ZNF208: variants seen among roughly 807,000 people sequenced by gnomAD.
ZNF208 encodes the protein zinc finger protein 95.
In ZNF208, 10 loss-of-function variants were observed where a neutral mutation model predicts 12.1. That is an observed-to-expected ratio of 0.83 (90% CI 0.51 to 1.40). The LOEUF (loss-of-function observed/expected upper bound fraction) is 1.40. Among genes scored for constraint, ZNF208 ranks in the 40% most tolerant of loss-of-function variants. The pLI, the probability that ZNF208 is intolerant of heterozygous loss-of-function variation, is 0.00. For synonymous variants in ZNF208, 497 were observed against 488.4 expected (o/e 1.02, Z -0.23); for missense variants, 1,652 against 1,485.0 (o/e 1.11, Z -1.85).
At chr19:21,990,545 C>T (rs2145569973) in intron 1 of ZNF208, among the ~76,000 whole-genome samples, 1 of 152,036 alleles carries the variant, frequency 6.6e-6, no homozygotes, top group Admixed American at 6.6e-5. Context: ...CAGCTTTGTT[C>T]TTTTGGCTTA....
chr19:21,953,331 C>T lies in ZNF208; in HGVS notation c.306-20094G>A, dbSNP rs149187820. Among the ~76,000 whole-genome samples the T allele has an allele frequency of 1.1e-4, 17 of 152,250 alleles. No individual in the cohort carries two copies. In the East Asian group the frequency reaches 2.7e-3, roughly 24 times the overall value. ...TACAGAGAATCCCACAAAGATATTC[C>T]TCGAGAAGAGCAACTCCAAGACACA... is the stretch of plus-strand genomic sequence containing the variant. On this transcript the variant is annotated intron_variant, in intron 4 of 4. Coordinates refer to the ZNF208 transcript ENST00000599916.
At chr19:21,986,465 G>C (rs1193826683) in intron 3 of ZNF208, among the ~76,000 whole-genome samples, 2 of 151,998 alleles carry the variant, frequency 1.3e-5, no homozygotes, top group East Asian at 1.9e-4. Context: ...AGTTGAAAAA[G>C]TTTTCAAGTG....
In ZNF208 at chr19:21,968,515, A is replaced by T. The variant is rs1310298609; in HGVS notation, c.*2676T>A. ...CTTATTGACTTCCATATCATGAAACACCTTCATATATATGGAAAAGCTCAC... is the reference window on the plus strand; with the variant it reads ...CTTATTGACTTCCATATCATGAAACTCCTTCATATATATGGAAAAGCTCAC... On this transcript the variant is annotated 3_prime_UTR_variant, in exon 4 of 4. Transcript: ENST00000397126. 1 of 151,994 alleles carries T rather than the reference A, an allele frequency of 6.6e-6. No homozygotes were observed. The highest frequency in any genetic ancestry group is 1.5e-5 in the Non-Finnish European group (1 of 67,998). The allele number at this position is 151,994 out of a possible 1,614,324, so 9.4% of individuals were successfully genotyped here.
Position 21,977,508 on chromosome 19 carries a change from T to C in ZNF208, c.227-2701A>G, listed in dbSNP as rs141379944. 1.1e-4 allele frequency among the ~76,000 whole-genome samples: 17 copies of C among 152,030 alleles called. No homozygotes were observed. The East Asian group carries it at 3.3e-3, about 30-fold the overall frequency. ...CTCCCTCTCCTAGCCAAGGTAAGGGTTTAGGGACTGTACCATGAAGAACCG... is the reference window on the plus strand; with the variant it reads ...CTCCCTCTCCTAGCCAAGGTAAGGGCTTAGGGACTGTACCATGAAGAACCG... On this transcript the variant is annotated intron_variant, in intron 3 of 3. Transcript: ENST00000397126.
chr19:21,950,623 A>G (rs139004301), intron 4 of ZNF208, among the ~76,000 whole-genome samples: 3,016 of 151,804 alleles, frequency 0.02, 38 homozygotes, highest in Middle Eastern at 0.048. Context: ...CCTCCCAAGT[A>G]GCTGGGATTA....
Position 21,971,909 on chromosome 19 carries a change from G to C in ZNF208, c.3125C>G (p.Ser1042Ter), listed in dbSNP as rs1970295002. Residue 1042 changes from serine (S) to a stop codon, truncating the protein, a stop_gained, in exon 4 of 4, where the codon TCA becomes TGA. Transcript: ENST00000397126. LOFTEE classifies it low-confidence loss of function (END_TRUNC). ...AGTTGCCTTATGTTCAGTAAGGCTT[G>C]AGGGCCAGCTGAAGGCTTTGTCACA... The part of the protein sequence containing the change: ...EECDKAFSWP[S>*]SLTEHKATHA... 5 of 1,530,578 alleles carry C rather than the reference G, an allele frequency of 3.3e-6. No homozygotes were observed. The highest frequency in any genetic ancestry group is 4.5e-6 in the Non-Finnish European group (5 of 1,122,486). 94.8% of individuals were successfully genotyped at this position (1,530,578 alleles called of 1,614,324 possible).
intron 1 of ZNF208, among the ~76,000 whole-genome samples, chr19:21,993,992 T>C (rs1466257065): frequency 6.6e-6 from 1 of 152,224 alleles, no homozygotes. Context: ...AATAACACCC[T>C]TTCAGTTGAT....
chr19:21,984,467 C>T (rs549405732), intron 3 of ZNF208, among the ~76,000 whole-genome samples: 7 of 152,136 alleles, frequency 4.6e-5, no homozygotes, highest in Admixed American at 3.3e-4. Flanking sequence ...GCAGGGGAAT[C>T]GCTTGAACCC....
intron 1 of ZNF208, among the ~76,000 whole-genome samples, chr19:22,010,573 G>T (rs532892452): frequency 4.6e-4 from 70 of 152,220 alleles, no homozygotes; most frequent in Non-Finnish European, 8.7e-4. Flanking sequence ...CCAGGCCAGG[G>T]CACAATCACA....
chr19:21,970,585 T>C lies in ZNF208; in HGVS notation c.*606A>G. 4.8e-6 allele frequency: 4 copies of C among 832,164 alleles called. No individual in the cohort carries two copies. Among genetic ancestry groups the C allele is most frequent in the Non-Finnish European group, 7.7e-6 (4 of 516,302 alleles). 51.5% of individuals were successfully genotyped at this position (832,164 alleles called of 1,614,324 possible). ...AAGGTGTGAGGACCAGTTGAAGTCT[T>C]TATCACATTCTTCACATTTGTAGGG... On this transcript the variant is annotated 3_prime_UTR_variant, in exon 4 of 4. Coordinates refer to ENST00000397126, the MANE Select transcript of ZNF208 (RefSeq NM_007153.3).
intron 4 of ZNF208, among the ~76,000 whole-genome samples, chr19:21,956,467 G>A (rs1969979654): frequency 6.6e-6 from 1 of 152,202 alleles, no homozygotes; most frequent in Non-Finnish European, 1.5e-5. Flanking sequence ...AGGCCTCCTT[G>A]AGCAGTGGTG....
chr19:21,974,468 G>C lies in ZNF208; in HGVS notation c.566C>G (p.Ser189Cys), dbSNP rs759621089. ...TCTAGTATAAATTCTTTTATGTTGA[G>C]ATAGGTGTGAAAGCATGCAAAATGA... ...VRSFCMLSHLSQHKRIYTREN... is the reference protein window; with the variant it reads ...VRSFCMLSHLCQHKRIYTREN... Residue 189 changes from serine (S) to cysteine (C), a missense_variant, in exon 4 of 4, where the codon TCT becomes TGT. This residue lies in a region of ZNF208 where 410 missense variants were observed against 378.2 expected (regional missense o/e 1.08). Transcript: ENST00000397126. 6.2e-7 allele frequency: 1 copy of C among 1,613,576 alleles called. No homozygotes were observed. Among genetic ancestry groups the C allele is most frequent in the African/African-American group, 1.3e-5 (1 of 74,908 alleles).
downstream of ZNF208, chr19:21,965,800 GAAA>G (rs141202375): frequency 5.5e-5 from 8 of 145,796 alleles, no homozygotes; most frequent in Non-Finnish European, 1.1e-4. Flanking sequence ...AGTTCATTCT[GAAA>G]AAAAAAATGA....
chr19:21,981,886 A>G (rs1970544976), intron 3 of ZNF208, among the ~76,000 whole-genome samples: 1 of 152,208 alleles, frequency 6.6e-6, no homozygotes. Context: ...TCAATGAGCA[A>G]AAATCACAAG....
At chr19:21,989,830 CCAGTGATGATGAG>C (rs1318259736) in intron 1 of ZNF208, among the ~76,000 whole-genome samples, 2 of 152,176 alleles carry the variant, frequency 1.3e-5, no homozygotes, top group Non-Finnish European at 2.9e-5. Context: ...ACTCTGATGG[CCAGTGATGATGAG>C]CATTTTTTCA....
chr19:21,974,813 AAG>A lies in ZNF208; in HGVS notation c.227-8_227-7del. 1.1e-5 allele frequency: 16 copies of A among 1,523,538 alleles called. No homozygotes were observed. Among genetic ancestry groups the A allele is most frequent in the Non-Finnish European group, 1.4e-5 (16 of 1,140,034 alleles). 94.4% of individuals were successfully genotyped at this position (1,523,538 alleles called of 1,614,324 possible). A position where few individuals can be genotyped will look rare whatever the true frequency, so the allele number is the denominator to read the frequency against. On this transcript the variant is annotated splice_polypyrimidine_tract_variant and splice_region_variant and intron_variant, in intron 3 of 3. Coordinates refer to ENST00000397126, the MANE Select transcript of ZNF208 (RefSeq NM_007153.3). ...AGCAAAATGAGAACATATAACTGAA[AAG>A]AAATAAAAATCACAAATTAGCCTAC...
chr19:21,993,133 G>A (rs760004749), intron 1 of ZNF208, among the ~76,000 whole-genome samples: 2 of 152,176 alleles, frequency 1.3e-5, no homozygotes, highest in Non-Finnish European at 2.9e-5. Flanking sequence ...CTTTATAGCC[G>A]AAGAGATTAA....
At position 21,974,594 on chromosome 19, in the gene ZNF208, C is replaced by T. The variant is rs186041791; in HGVS notation, c.440G>A (p.Arg147His). Reference protein sequence around the residue: ...LTTTQSKVFQRGKYANVFHKC... With the variant: ...LTTTQSKVFQHGKYANVFHKC... ...ATGAAAGACATTTGCATATTTGCCA[C>T]GTTGAAATACTTTGCTCTGTGTAGT... Residue 147 changes from arginine to histidine, a missense_variant, in exon 4 of 4, where the codon CGT becomes CAT. Physicochemically the swap from Arg to His is conservative, Grantham distance 29. Around this residue, in one of 3 missense-constraint regions of ZNF208, gnomAD observed 410 missense variants for 378.2 expected, o/e 1.08. Coordinates refer to ENST00000397126, the MANE Select transcript of ZNF208 (RefSeq NM_007153.3). The T allele has an allele frequency of 6.8e-3, 10,918 of 1,613,664 alleles. 51 individuals carry two copies. Among genetic ancestry groups the T allele is most frequent in the Non-Finnish European group, 8.6e-3 (10,134 of 1,179,720 alleles).
At position 21,968,949 on chromosome 19, in the gene ZNF208, C is replaced by A. The variant is rs1018366711; in HGVS notation, c.*2242G>T. On this transcript the variant is annotated 3_prime_UTR_variant, in exon 4 of 4. Transcript: ENST00000397126. The stretch of plus-strand genomic sequence containing the variant: ...CCTGCAATCCCAGGACTTTGGGTGG[C>A]CAAGGTGGGCATATCATGAGGTCAG... 1.4e-4 allele frequency among the ~76,000 whole-genome samples: 21 copies of A among 152,166 alleles called. No individual in the cohort carries two copies. Among genetic ancestry groups the A allele is most frequent in the African/African-American group, 4.8e-4 (20 of 41,538 alleles).
Sources: allele counts gnomAD v4.1 joint callset (sites outside exome capture counted in the v4.1 genomes callset), GRCh38; gene constraint gnomAD v4.1.1; regional missense constraint gnomAD v4.1.1; transcripts MANE v1.5; gene names NCBI Gene and HGNC (gene_info 2026-07-23, HGNC 2026-07-21).